ZNF709: variants seen among roughly 807,000 people sequenced by gnomAD.
ZNF709 encodes the protein zinc finger protein 709.
In ZNF709, 15 loss-of-function variants were observed where a neutral mutation model predicts 10.6. The observed-to-expected ratio is 1.41, with a 90% CI of 0.95 to 2.18. The LOEUF is 2.18. Among genes scored for constraint, ZNF709 ranks in the 30% most tolerant of loss-of-function variants. The pLI, the probability that ZNF709 is intolerant of heterozygous loss-of-function variation, is 0.00. For synonymous variants in ZNF709, 194 were observed against 238.8 expected (o/e 0.81, Z 1.73); for missense variants, 589 against 774.0 (o/e 0.76, Z 2.84).
At chr19:12,466,229 C>A (rs59147944) in intron 3 of ZNF709, among the ~76,000 whole-genome samples, 1 of 152,278 alleles carries the variant, frequency 6.6e-6, no homozygotes, top group Non-Finnish European at 1.5e-5. Flanking sequence ...GCATGAGCCA[C>A]CATGCCTGGC....
intron 1 of ZNF709, among the ~76,000 whole-genome samples, chr19:12,470,600 T>C (rs1970626787): frequency 6.6e-6 from 1 of 152,162 alleles, no homozygotes; most frequent in Non-Finnish European, 1.5e-5. Context: ...AGTGAGAATT[T>C]GGGAGGGACC....
At chr19:12,468,578 C>T (rs1463719055) in intron 1 of ZNF709, among the ~76,000 whole-genome samples, 1 of 150,370 alleles carries the variant, frequency 6.7e-6, no homozygotes, top group Non-Finnish European at 1.5e-5. Flanking sequence ...GGGTCCTCTG[C>T]CTAGGAAAAC....
chr19:12,480,728 T>G (rs1970720098), intron 1 of ZNF709, among the ~76,000 whole-genome samples: 1 of 151,652 alleles, frequency 6.6e-6, no homozygotes, highest in Non-Finnish European at 1.5e-5. Flanking sequence ...TCAGTTCCAG[T>G]GGAAATTCAT....
At chr19:12,477,383 A>G (rs1272181272) in intron 1 of ZNF709, among the ~76,000 whole-genome samples, 1 of 152,210 alleles carries the variant, frequency 6.6e-6, no homozygotes, top group East Asian at 1.9e-4. Flanking sequence ...TGTAAGTGCC[A>G]AAGATTTAAT....
At chr19:12,479,650 C>T (rs892510545) in intron 1 of ZNF709, among the ~76,000 whole-genome samples, 17 of 152,122 alleles carry the variant, frequency 1.1e-4, no homozygotes, top group Non-Finnish European at 1.6e-4. Flanking sequence ...GCAGGTGGAT[C>T]GCGAGATCAG....
At chr19:12,484,510 C>T in intron 1 of ZNF709, 145 bp downstream of exon 1, 2 of 1,130,366 alleles carry the variant, frequency 1.8e-6, no homozygotes, top group Non-Finnish European at 2.5e-6. Context: ...CCAAAGAGAC[C>T]GAGGGCCGAG....
chr19:12,471,362 T>C (rs562076853), intron 1 of ZNF709, among the ~76,000 whole-genome samples: 4 of 152,194 alleles, frequency 2.6e-5, no homozygotes, highest in Admixed American at 1.3e-4. Flanking sequence ...AAGATGCCAC[T>C]GCTCCCAAAT....
chr19:12,467,003 T>C (rs2144989021), intron 1 of ZNF709, among the ~76,000 whole-genome samples, 153 bp from the exon 2 acceptor site: 1 of 152,374 alleles, frequency 6.6e-6, no homozygotes, highest in South Asian at 2.1e-4. Flanking sequence ...TACTTCTTCA[T>C]AAATTTAACA....
In ZNF709 at chr19:12,465,281, T is replaced by A. The variant is rs1272573251; in HGVS notation, c.641A>T (p.His214Leu). 6.2e-7 allele frequency: 1 copy of A among 1,613,002 alleles called. No individual in the cohort carries two copies. The highest frequency in any genetic ancestry group is 1.3e-5 in the African/African-American group (1 of 74,848). Residue 214 changes from histidine to leucine, a missense_variant, in exon 4 of 4, where the codon CAC becomes CTC. Physicochemically the swap from His to Leu is moderately conservative, Grantham distance 99 (BLOSUM62 -3). Transcript: ENST00000397732. ...AFIYHTTFRGHMRMHTGEKPY... is the reference protein window; with the variant it reads ...AFIYHTTFRGLMRMHTGEKPY... Reference sequence around the variant, plus strand: ...TTTCTCCCCTGTGTGCATTCTCATGTGTCCTCGAAAGGTTGTGTGATAAAT... The same window carrying A: ...TTTCTCCCCTGTGTGCATTCTCATGAGTCCTCGAAAGGTTGTGTGATAAAT...
chr19:12,465,226 C>T lies in ZNF709; in HGVS notation c.696G>A (p.Thr232=), dbSNP rs369251411. The T allele has an allele frequency of 8.7e-6, 14 of 1,612,416 alleles. No homozygotes were observed. The highest frequency in any genetic ancestry group is 2.2e-5 in the East Asian group (1 of 44,802). ...TTCGAAAAGAACTGGGATGACTGAACGTTTTCCCGCATTCTTTACATTTAT... is the reference window on the plus strand; with the variant it reads ...TTCGAAAAGAACTGGGATGACTGAATGTTTTCCCGCATTCTTTACATTTAT... ...KPYKCKECGK[T]FSHPSSFRNH... The change falls in exon 4 of 4, where the codon ACG becomes ACA. Residue 232 remains threonine, a synonymous_variant. Coordinates refer to ENST00000397732, the MANE Select transcript of ZNF709 (RefSeq NM_152601.4).
At chr19:12,472,748 T>C (rs1970644239) in intron 1 of ZNF709, among the ~76,000 whole-genome samples, 1 of 151,806 alleles carries the variant, frequency 6.6e-6, no homozygotes, top group Non-Finnish European at 1.5e-5. Flanking sequence ...CCAGGTGTGG[T>C]GGCACGGGCC....
At position 12,465,487 on chromosome 19, in the gene ZNF709, A is replaced by G. The variant is rs1378672432; in HGVS notation, c.435T>C (p.Cys145=). ...AACTTCGAAAGCTGAATCTTTTCCC[A>G]CATTCCTTACATTCATATGATTTCT... is the stretch of plus-strand genomic sequence containing the variant. ...YGEKSYECKE[C]GKRFSFRSSF... Residue 145 remains cysteine (C), a synonymous_variant, in exon 4 of 4, where the codon TGT becomes TGC. Coordinates refer to ENST00000397732, the MANE Select transcript of ZNF709 (RefSeq NM_152601.4). The G allele has an allele frequency of 6.2e-7, 1 of 1,609,160 alleles. No homozygotes were observed. Among genetic ancestry groups the G allele is most frequent in the East Asian group, 2.2e-5 (1 of 44,846 alleles).
chr19:12,475,838 T>A (rs1221281185), intron 1 of ZNF709, among the ~76,000 whole-genome samples: 1 of 152,138 alleles, frequency 6.6e-6, no homozygotes, highest in African/African-American at 2.4e-5. Flanking sequence ...CTCCTCAAAC[T>A]AGAGGTTGAG....
At chr19:12,484,259 C>T (rs1970757781) in intron 1 of ZNF709, among the ~76,000 whole-genome samples, 1 of 152,164 alleles carries the variant, frequency 6.6e-6, no homozygotes, top group Non-Finnish European at 1.5e-5. Flanking sequence ...AACGAGTCCT[C>T]CCTTGGGAAG....
rs1970528734 is a variant in ZNF709, at chr19:12,462,796, GCTTATTATAAATACA to G, written c.*1185_*1199del. 6.6e-6 allele frequency: 1 copy of G among 152,058 alleles called. No homozygotes were observed. The highest frequency in any genetic ancestry group is 6.6e-5 in the Admixed American group (1 of 15,260). The allele number at this position is 152,058 out of a possible 1,614,324, so 9.4% of individuals were successfully genotyped here. ...AAATACATAAAAATCAAAACTGCTA[GCTTATTATAAATACA>G]CTTCAATTCACTCATGAATCTAACA... On this transcript the variant is annotated 3_prime_UTR_variant, in exon 4 of 4. Coordinates refer to ENST00000397732, the MANE Select transcript of ZNF709 (RefSeq NM_152601.4).
chr19:12,465,628 T>G lies in ZNF709; in HGVS notation c.294A>C (p.Arg98Ser). The change falls in exon 4 of 4, where the codon AGA becomes AGC. Residue 98 changes from arginine (R) to serine (S), a missense_variant. Arg to Ser is a moderately radical substitution (Grantham distance 110). Around this residue, in one of 2 missense-constraint regions of ZNF709, gnomAD observed 418 missense variants for 496.3 expected, o/e 0.84. Transcript: ENST00000397732. ...ACACACTACATTCATATGGTTTTAC[T>G]CTAGTAAAAGTTTTCTTGTTTGGTT... ...NPKPNKKTFT[R>S]VKPYECSVCG... The G allele has an allele frequency of 6.2e-7, 1 of 1,613,468 alleles. No homozygotes were observed. The highest frequency in any genetic ancestry group is 8.5e-7 in the Non-Finnish European group (1 of 1,179,912).
At chr19:12,475,634 GT>G (rs1970670338) in intron 1 of ZNF709, among the ~76,000 whole-genome samples, 2 of 152,122 alleles carry the variant, frequency 1.3e-5, no homozygotes, top group Non-Finnish European at 2.9e-5. Flanking sequence ...TGCTTTCCTG[GT>G]AAGATGAGGA....
At chr19:12,473,853 G>A (rs1042206621) in intron 1 of ZNF709, among the ~76,000 whole-genome samples, 1 of 152,142 alleles carries the variant, frequency 6.6e-6, no homozygotes, top group Non-Finnish European at 1.5e-5. Flanking sequence ...GACCAGCCTA[G>A]GCAACATAGT....
In ZNF709 at chr19:12,477,104, T is replaced by C. The variant is rs191057095; in HGVS notation, c.3+7551A>G. ...CTGGATGGTGTCAGTAATTTCCATG[T>C]TGGATATTGGTATAGGGGCTTAATG... On this transcript the variant is annotated intron_variant, in intron 1 of 3. Transcript: ENST00000397732. 2.9e-3 allele frequency among the ~76,000 whole-genome samples: 447 copies of C among 152,316 alleles called. 2 individuals carry two copies. The highest frequency in any genetic ancestry group is 0.01 in the African/African-American group (428 of 41,574).
Sources: allele counts gnomAD v4.1 joint callset (sites outside exome capture counted in the v4.1 genomes callset), GRCh38; gene constraint gnomAD v4.1.1; regional missense constraint gnomAD v4.1.1; transcripts MANE v1.5; gene names NCBI Gene and HGNC (gene_info 2026-07-23, HGNC 2026-07-21).